The following NUS1 variants were observed in gnomAD, a reference collection of about 807,000 sequenced individuals.
The protein encoded by NUS1 is NUS1 dehydrodolichyl diphosphate synthase subunit.
For synonymous variants in NUS1, 135 were observed against 155.2 expected (o/e 0.87, Z 0.97); for missense variants, 292 against 382.9 (o/e 0.76, Z 1.98).
At chr6:117,676,319 C>T (rs942473918) in intron 1 of NUS1, among the ~76,000 whole-genome samples, 6 of 152,248 alleles carry the variant, frequency 3.9e-5, no homozygotes, top group South Asian at 2.1e-4. Flanking sequence ...TGGCTCATGC[C>T]TGTAATCCCA....
In NUS1 at chr6:117,691,552, G is replaced by GATATATAT. The variant is rs1236328961; in HGVS notation, c.416-1485_416-1484insTATATATA. Reference sequence around the variant, plus strand: ...TATATTCAGCAGGTTCTGTGCCATAGATATAGATATATATATATATATATA... The same window carrying GATATATAT: ...TATATTCAGCAGGTTCTGTGCCATAGATATATATATATAGATATATATATATATATATA... On this transcript the variant is annotated intron_variant, in intron 1 of 4. Transcript: ENST00000368494. Among the ~76,000 whole-genome samples the GATATATAT allele has an allele frequency of 8.2e-3, 309 of 37,484 alleles. 2 individuals are homozygous for GATATATAT. The highest frequency in any genetic ancestry group is 0.039 in the South Asian group (32 of 814). 24.6% of individuals were successfully genotyped at this position (37,484 alleles called of 152,430 possible).
chr6:117,677,988 A>G (rs1430409744), intron 1 of NUS1, among the ~76,000 whole-genome samples: 2 of 152,220 alleles, frequency 1.3e-5, no homozygotes, highest in East Asian at 1.9e-4. Flanking sequence ...GTATAGCTAA[A>G]TTGTTTGACT....
intron 1 of NUS1, among the ~76,000 whole-genome samples, chr6:117,686,000 GC>G (rs1562176700): frequency 6.8e-6 from 1 of 146,634 alleles, no homozygotes; most frequent in Non-Finnish European, 1.5e-5. Context: ...CGTGGCTCAC[GC>G]CTGTAATCCC....
At chr6:117,697,463 G>T (rs370357543) in intron 3 of NUS1, among the ~76,000 whole-genome samples, 1 of 151,964 alleles carries the variant, frequency 6.6e-6, no homozygotes, top group Non-Finnish European at 1.5e-5. Context: ...GATGGAAAAA[G>T]ATATTTTATG....
At chr6:117,699,851 C>G (rs757607198) in intron 3 of NUS1, among the ~76,000 whole-genome samples, 34 of 151,988 alleles carry the variant, frequency 2.2e-4, no homozygotes, top group Non-Finnish European at 4.7e-4. Flanking sequence ...GAGACAAATG[C>G]ATACATCTCC....
chr6:117,707,633 A>T lies in NUS1; in HGVS notation c.*618A>T, dbSNP rs923169448. On this transcript the variant is annotated 3_prime_UTR_variant, in exon 5 of 5. Coordinates refer to ENST00000368494, the MANE Select transcript of NUS1 (RefSeq NM_138459.5). The stretch of plus-strand genomic sequence containing the variant: ...ATTGTAGTCAAAAGTATGACTTGAG[A>T]GTGTTGCTCTGGTATTCTGGGTTCT... 3 of 138,490 alleles carry T rather than the reference A, an allele frequency of 2.2e-5. No individual in the cohort carries two copies. Among genetic ancestry groups the T allele is most frequent in the African/African-American group, 8.3e-5 (3 of 36,320 alleles). 8.6% of individuals were successfully genotyped at this position (138,490 alleles called of 1,614,324 possible). A position where few individuals can be genotyped will look rare whatever the true frequency, so the allele number is the denominator to read the frequency against.
At chr6:117,676,724 A>C (rs1772988817) in intron 1 of NUS1, among the ~76,000 whole-genome samples, 1 of 152,272 alleles carries the variant, frequency 6.6e-6, no homozygotes, top group Admixed American at 6.5e-5. Flanking sequence ...TAATGGGGCC[A>C]CAAAGATCGG....
Position 117,675,806 on chromosome 6 carries a change from G to A in NUS1, c.136G>A (p.Ala46Thr). ...IWRRCCRAAS[A>T]AVLAPLGFTL... ...GCGGCGCTGCTGCCGCGCCGCCTCT[G>A]CCGCGGTCCTAGCGCCGCTCGGCTT... Residue 46 changes from alanine (A) to threonine (T), a missense_variant, in exon 1 of 5, where the codon GCC (alanine) becomes ACC (threonine). Coordinates refer to ENST00000368494, the MANE Select transcript of NUS1 (RefSeq NM_138459.5). 2 of 1,564,926 alleles carry A rather than the reference G, an allele frequency of 1.3e-6. No homozygotes were observed. Among genetic ancestry groups the A allele is most frequent in the East Asian group, 2.4e-5 (1 of 42,394 alleles).
intron 1 of NUS1, among the ~76,000 whole-genome samples, chr6:117,690,979 C>CAAAAAA (rs71736900): frequency 1.4e-5 from 1 of 73,286 alleles, no homozygotes. Flanking sequence ...GAGTCTGTCT[C>CAAAAAA]AAAAAAAAAA....
At position 117,691,574 on chromosome 6, in the gene NUS1, T is replaced by G. The variant is rs1011294361; in HGVS notation, c.416-1468T>G. On this transcript the variant is annotated intron_variant, in intron 1 of 4. Coordinates refer to ENST00000368494, the MANE Select transcript of NUS1 (RefSeq NM_138459.5). The stretch of plus-strand genomic sequence containing the variant: ...ATAGATATAGATATATATATATATA[T>G]ATATATATATATAGTTCAAAATATA... 6.9e-3 allele frequency among the ~76,000 whole-genome samples: 1,009 copies of G among 146,388 alleles called. 9 individuals carry two copies. Among genetic ancestry groups the G allele is most frequent in the African/African-American group, 0.02 (785 of 40,122 alleles).
Sources: gnomAD v4.1 joint callset for allele counts (sites outside exome capture counted in the v4.1 genomes callset) on GRCh38, gnomAD v4.1.1 for gene constraint, MANE v1.5 for transcripts, NCBI Gene and HGNC (gene_info 2026-07-23, HGNC 2026-07-21) for gene names.